GNAQ: variants seen among roughly 807,000 people sequenced by gnomAD.
GNAQ encodes the protein G protein subunit alpha q, also known as guanine nucleotide-binding protein G(q) subunit alpha.
Under a neutral mutation model 43.9 loss-of-function variants are expected in GNAQ, and 8 were observed. The observed-to-expected ratio is 0.18, with a 90% CI of 0.11 to 0.33. The LOEUF (loss-of-function observed/expected upper bound fraction) is 0.33, where lower values mean the gene tolerates loss of function less well. Ranked by LOEUF, GNAQ falls within the 10% of genes least tolerant of loss-of-function variation. The probability of loss-of-function intolerance (pLI) is 1.00; values close to 1 mark genes in which losing one functional copy is unlikely to be tolerated. For missense variants in GNAQ, 158 were observed against 450.8 expected, an observed-to-expected ratio of 0.35 and a Z score of 5.88; for synonymous variants, 155 against 170.7, an observed-to-expected ratio of 0.91 and a Z score of 0.71.
At chr9:77,822,443 C>T (rs886320843) in intron 2 of GNAQ, among the ~76,000 whole-genome samples, 7 of 151,962 alleles carry the variant, frequency 4.6e-5, no homozygotes, top group African/African-American at 1.7e-4. Flanking sequence ...CAGAAAAAGC[C>T]TAATCATTTT....
In GNAQ at chr9:77,999,860, A is replaced by T. The variant is rs565991266; in HGVS notation, c.136+31240T>A. Among the ~76,000 whole-genome samples, 11 of 152,328 alleles carry T rather than the reference A, an allele frequency of 7.2e-5. No homozygotes were observed. The South Asian group carries it at 8.3e-4, about 11-fold the overall frequency. On this transcript the variant is annotated intron_variant, in intron 1 of 6. Coordinates refer to ENST00000286548, the MANE Select transcript of GNAQ (RefSeq NM_002072.5). Reference sequence around the variant, plus strand: ...AAAAATGAGGAAAGAACAACTTCCTATAACAGTATTAGTTCCCTAGTAGGA... The same window carrying T: ...AAAAATGAGGAAAGAACAACTTCCTTTAACAGTATTAGTTCCCTAGTAGGA...
intron 1 of GNAQ, among the ~76,000 whole-genome samples, chr9:77,973,014 G>GAAAAAAAAA (rs10541482): frequency 1.7e-5 from 2 of 114,694 alleles, no homozygotes; most frequent in Non-Finnish European, 1.9e-5. Flanking sequence ...AAAAAGAAAG[G>GAAAAAAAAA]AAAAAAAAAA....
At chr9:77,832,953 CTTTA>C (rs1159298754) in intron 2 of GNAQ, among the ~76,000 whole-genome samples, 4 of 152,124 alleles carry the variant, frequency 2.6e-5, no homozygotes, top group African/African-American at 9.6e-5. Flanking sequence ...AGGAAAGGCA[CTTTA>C]TTTTTTATTT....
At chr9:77,891,296 TAGC>T (rs1284144528) in intron 2 of GNAQ, among the ~76,000 whole-genome samples, 2 of 152,222 alleles carry the variant, frequency 1.3e-5, no homozygotes, top group African/African-American at 4.8e-5. Flanking sequence ...CTCTCTTTCG[TAGC>T]AGCAGTTCTT....
chr9:77,860,799 T>A (rs1254959982), intron 2 of GNAQ, among the ~76,000 whole-genome samples: 4 of 152,124 alleles, frequency 2.6e-5, no homozygotes, highest in African/African-American at 9.7e-5. Context: ...GGAGGTTGCC[T>A]CAGGCTAGAT....
chr9:77,805,217 C>A lies in GNAQ; in HGVS notation c.477-7569G>T, dbSNP rs573594230. On this transcript the variant is annotated intron_variant, in intron 3 of 6. Transcript: ENST00000286548. ...AATCCTGTGGCTGACAGGAGCCTGG[C>A]TGGTAATCTGGTTAGGATGGTTAGT... 3.3e-5 allele frequency among the ~76,000 whole-genome samples: 5 copies of A among 152,230 alleles called. No homozygotes were observed. In the East Asian group the frequency reaches 9.7e-4, roughly 29 times the overall value.
intron 2 of GNAQ, among the ~76,000 whole-genome samples, chr9:77,870,593 GGGATTACA>G (rs1231763998): frequency 1.3e-5 from 2 of 151,926 alleles, no homozygotes; most frequent in African/African-American, 2.4e-5. Flanking sequence ...CCAAAGTGCT[GGGATTACA>G]GGCTTGAGCC....
In GNAQ at chr9:77,721,020, A is replaced by G. The variant is rs1288104099; in HGVS notation, c.*303T>C. 3.5e-6 allele frequency: 1 copy of G among 285,904 alleles called. No individual in the cohort carries two copies. The highest frequency in any genetic ancestry group is 6.5e-6 in the Non-Finnish European group (1 of 153,910). The allele number at this position is 285,904 out of a possible 1,614,324, so 17.7% of individuals were successfully genotyped here. A position where few individuals can be genotyped will look rare whatever the true frequency, so the allele number is the denominator to read the frequency against. On this transcript the variant is annotated 3_prime_UTR_variant, in exon 7 of 7. Transcript: ENST00000286548. ...GAAAAAGAGAGAGAGACAGAAAGAA[A>G]CAAGTCTTATCTTTGTGAGTGCATG...
chr9:77,810,486 C>T (rs1047706391), intron 3 of GNAQ, among the ~76,000 whole-genome samples: 6 of 152,146 alleles, frequency 3.9e-5, no homozygotes, highest in African/African-American at 1.4e-4. Flanking sequence ...AATGAAATAA[C>T]ACATGTAAAT....
At chr9:77,820,777 T>G (rs149969286) in intron 2 of GNAQ, among the ~76,000 whole-genome samples, 3 of 152,222 alleles carry the variant, frequency 2.0e-5, no homozygotes, top group Admixed American at 6.5e-5. Context: ...GTATCAATAA[T>G]AACTCTGTCA....
intron 1 of GNAQ, among the ~76,000 whole-genome samples, chr9:77,971,678 GAATGGGCAAA>G (rs1196439634): frequency 6.6e-6 from 1 of 152,162 alleles, no homozygotes; most frequent in African/African-American, 2.4e-5. Context: ...ATATCATACT[GAATGGGCAAA>G]AACTGGAAGC....
At chr9:77,805,733 G>A (rs1826820263) in intron 3 of GNAQ, among the ~76,000 whole-genome samples, 1 of 152,086 alleles carries the variant, frequency 6.6e-6, no homozygotes, top group African/African-American at 2.4e-5. Context: ...CAAAGTGGCA[G>A]GTTCAAAACA....
chr9:77,807,526 C>G (rs1239516149), intron 3 of GNAQ, among the ~76,000 whole-genome samples: 1 of 152,176 alleles, frequency 6.6e-6, no homozygotes, highest in East Asian at 1.9e-4. Flanking sequence ...GCCAGACATT[C>G]TTTGTGTGGC....
chr9:77,815,500 A>T, intron 3 of GNAQ, 116 bp downstream of exon 3: 1 of 617,396 alleles, frequency 1.6e-6, no homozygotes, highest in South Asian at 2.7e-5. Flanking sequence ...CCTAACTTTT[A>T]AAGTTTTAAT....
intron 1 of GNAQ, among the ~76,000 whole-genome samples, chr9:78,023,249 T>C (rs1041584): frequency 0.31 from 47,118 of 152,084 alleles, 7,533 homozygotes; most frequent in South Asian, 0.41. Flanking sequence ...AGTTAATCAT[T>C]GCCTAAACAC....
intron 2 of GNAQ, among the ~76,000 whole-genome samples, chr9:77,842,657 G>A (rs1420295408): frequency 1.3e-5 from 2 of 152,128 alleles, no homozygotes; most frequent in African/African-American, 4.8e-5. Flanking sequence ...GACACTGAGA[G>A]ATTCCCCTGG....
chr9:77,889,817 G>T (rs1446969942), intron 2 of GNAQ, among the ~76,000 whole-genome samples: 19 of 151,986 alleles, frequency 1.3e-4, no homozygotes, highest in Admixed American at 9.2e-4. Context: ...TGTTCTTTTG[G>T]TTTTTTCCCA....
chr9:77,952,040 T>C (rs756050955), intron 1 of GNAQ, among the ~76,000 whole-genome samples: 43 of 152,162 alleles, frequency 2.8e-4, no homozygotes, highest in Non-Finnish European at 5.6e-4. Flanking sequence ...AGGATAATCA[T>C]GAGTGGGCAA....
At chr9:77,909,869 T>TC (rs973280414) in intron 2 of GNAQ, among the ~76,000 whole-genome samples, 11 of 152,134 alleles carry the variant, frequency 7.2e-5, no homozygotes, top group African/African-American at 2.2e-4. Flanking sequence ...CTTATTTTTT[T>TC]CTCTCCTGAA....
Sources: allele counts gnomAD v4.1 joint callset (sites outside exome capture counted in the v4.1 genomes callset), GRCh38; gene constraint gnomAD v4.1.1; transcripts MANE v1.5; gene names NCBI Gene and HGNC (gene_info 2026-07-23, HGNC 2026-07-21).